The following TAF1 variants were observed in gnomAD, a reference collection of about 807,000 sequenced individuals.
The protein encoded by TAF1 is TATA-box binding protein associated factor 1.
Under a neutral mutation model 138.5 loss-of-function variants are expected in TAF1, and 2 were observed. The observed-to-expected ratio is 0.01, with a 90% CI of 0.01 to 0.05. The LOEUF is 0.05. TAF1 is among the 10% of genes least tolerant of loss of function. The pLI is 1.00. For missense variants in TAF1, 709 were observed against 1,478.0 expected (o/e 0.48, Z 8.53); for synonymous variants, 437 against 503.2 (o/e 0.87, Z 1.76).
At chrX:71,405,778 G>T (rs994402151) in intron 25 of TAF1, among the ~76,000 whole-genome samples, 2 of 111,697 alleles carry the variant, frequency 1.8e-5, no homozygotes, top group Non-Finnish European at 1.9e-5. Context: ...AGGCTGAGGT[G>T]GGAGGATCAC....
intron 6 of TAF1, 105 bp from the exon 7 acceptor site, chrX:71,378,130 A>C (rs2033615039): frequency 2.5e-6 from 2 of 809,587 alleles, no homozygotes; most frequent in African/African-American, 4.1e-5. Flanking sequence ...CAGGTAAATC[A>C]TCCTCAGTTT....
rs1375690532 is a variant in TAF1 at position 71,375,287 on chromosome X, G to A, written c.472+1G>A. 2 of 1,204,992 alleles carry A rather than the reference G, an allele frequency of 1.7e-6. No individual in the cohort carries two copies. Among genetic ancestry groups the A allele is most frequent in the South Asian group, 1.8e-5 (1 of 55,611 alleles). ...AAGGACCAGGATTCTATTACTGGTG[G>A]TAAGTAGAGATTGTCTACTTTTGTC... On this transcript the variant is annotated splice_donor_variant, in intron 4 of 37. Transcript: ENST00000423759. LOFTEE classifies it high-confidence loss of function.
intron 28 of TAF1, among the ~76,000 whole-genome samples, chrX:71,413,358 C>CT (rs1419036761): frequency 1.8e-5 from 2 of 111,841 alleles, no homozygotes; most frequent in Admixed American, 9.5e-5. Flanking sequence ...TTGTTATTGT[C>CT]TATCTTTTTC....
In TAF1 at chrX:71,375,213, C is replaced by T. The variant is rs1234145837; in HGVS notation, c.399C>T (p.Cys133=). The change falls in exon 4 of 38, where the codon TGC becomes TGT. Residue 133 remains cysteine, a synonymous_variant. Transcript: ENST00000423759. ...DYDADCEDID[C]KLMPPPPPPP... ...ATGCTGATTGTGAAGACATTGATTG[C>T]AAGTTGATGCCTCCTCCACCTCCAC... is the stretch of plus-strand genomic sequence containing the variant. The T allele has an allele frequency of 1.7e-6, 2 of 1,210,553 alleles. No homozygotes were observed. Among genetic ancestry groups the T allele is most frequent in the Admixed American group, 2.2e-5 (1 of 45,829 alleles).
chrX:71,490,943 C>T (rs1241159262), intron 13 of TAF1: 4 of 109,630 alleles, frequency 3.6e-5, no homozygotes, highest in Non-Finnish European at 7.6e-5. Context: ...TCTCGATCCC[C>T]TGAACTCAAG....
At chrX:71,405,483 TGG>T (rs1265325169) in intron 25 of TAF1, among the ~76,000 whole-genome samples, 1 of 111,524 alleles carries the variant, frequency 9.0e-6, no homozygotes, top group Non-Finnish European at 1.9e-5. Context: ...CCCAAGTAGC[TGG>T]TACTACAGGC....
At chrX:71,447,640 T>C (rs756831384) in intron 32 of TAF1, among the ~76,000 whole-genome samples, 1 of 105,852 alleles carries the variant, frequency 9.4e-6, no homozygotes, top group African/African-American at 3.5e-5. Context: ...GGGGTTGCAA[T>C]GAGCAGAGAT....
intron 28 of TAF1, among the ~76,000 whole-genome samples, chrX:71,420,793 C>T (rs2036296024): frequency 8.9e-6 from 1 of 112,874 alleles, no homozygotes; most frequent in African/African-American, 3.2e-5. Flanking sequence ...CCTCTTCAGG[C>T]TTGGGCTCCG....
intron 32 of TAF1, 120 bp from the exon 33 acceptor site, chrX:71,454,050 A>G (rs1475106081): frequency 1.7e-6 from 1 of 574,867 alleles, no homozygotes; most frequent in Non-Finnish European, 2.8e-6. Flanking sequence ...CAAGAGTCCA[A>G]GTTAAAGCTG....
In TAF1 at chrX:71,394,260, T is replaced by C. The variant is rs1451755129; in HGVS notation, c.3406+15T>C. The C allele has an allele frequency of 1.7e-6, 2 of 1,175,546 alleles. No individual in the cohort carries two copies. Among genetic ancestry groups the C allele is most frequent in the South Asian group, 2.0e-5 (1 of 49,744 alleles). On this transcript the variant is annotated intron_variant, in intron 22 of 37. Coordinates refer to ENST00000423759, the MANE Select transcript of TAF1 (RefSeq NM_004606.5). ...AATGCTACTGGGTGAGGATCTTGGC[T>C]TCACAGACAGATAAAAAAGAGAAGG...
At chrX:71,407,214 A>ATTT (rs1192482805) in intron 26 of TAF1, among the ~76,000 whole-genome samples, 10 of 80,925 alleles carry the variant, frequency 1.2e-4, no homozygotes, top group Admixed American at 2.9e-4. Context: ...TGCTCGGCAG[A>ATTT]TTTTTTTTTT....
chrX:71,389,753 A>C (rs1379489800), intron 18 of TAF1, 88 bp downstream of exon 18: 1 of 732,566 alleles, frequency 1.4e-6, no homozygotes, highest in Non-Finnish European at 2.0e-6. Context: ...AACATAAAAT[A>C]AACTGTACAC....
intron 28 of TAF1, among the ~76,000 whole-genome samples, chrX:71,418,523 ATAAG>A (rs1427498052): frequency 1.8e-5 from 2 of 112,865 alleles, no homozygotes; most frequent in Non-Finnish European, 3.7e-5. Context: ...GAATTAAATA[ATAAG>A]TGAGAATAGA....
chrX:71,516,578 G>A (rs1301579412), intron 13 of TAF1, among the ~76,000 whole-genome samples: 1 of 107,384 alleles, frequency 9.3e-6, no homozygotes, highest in African/African-American at 3.4e-5. Flanking sequence ...AGAGTTCAAG[G>A]CTACAGTGAG....
Position 71,460,985 on chromosome X carries a change from A to C in TAF1, c.5399+182A>C, listed in dbSNP as rs1347870330. On this transcript the variant is annotated intron_variant, in intron 37 of 37. Transcript: ENST00000423759. ...AACATATCCTGCCCTTGAGGAGCCC[A>C]CAGCCTAGTGGAAAAGACTGACACA... 5.6e-6 allele frequency: 3 copies of C among 531,438 alleles called. No individual in the cohort carries two copies. The African/African-American group carries it at 7.0e-5, about 12-fold the overall frequency. The allele number at this position is 531,438 out of a possible 1,213,427, so 43.8% of individuals were successfully genotyped here.
intron 29 of TAF1, 43 bp downstream of exon 29, chrX:71,421,419 T>TG: frequency 5.5e-6 from 2 of 364,304 alleles, no homozygotes; most frequent in Non-Finnish European, 4.8e-6. Context: ...AATTTGAAGG[T>TG]GGGGGTGGGA....
intron 12 of TAF1, among the ~76,000 whole-genome samples, chrX:71,383,532 G>A (rs1602488245): frequency 8.9e-6 from 1 of 112,448 alleles, no homozygotes; most frequent in Non-Finnish European, 1.9e-5. Flanking sequence ...ATCTTTAGAT[G>A]TTCCAGTTTC....
intron 13 of TAF1, among the ~76,000 whole-genome samples, chrX:71,475,592 A>G (rs2038965969): frequency 9.2e-6 from 1 of 108,746 alleles, no homozygotes; most frequent in Non-Finnish European, 1.9e-5. Context: ...TTCAAAAAAA[A>G]AAAAAAAAGA....
intron 32 of TAF1, 127 bp downstream of exon 32, chrX:71,424,365 T>C: frequency 2.3e-6 from 1 of 429,270 alleles, no homozygotes; most frequent in Middle Eastern, 5.7e-4. Context: ...CTGGATGCTG[T>C]GGTGTGATCA....
Sources: gnomAD v4.1 joint callset for allele counts (sites outside exome capture counted in the v4.1 genomes callset) on GRCh38, gnomAD v4.1.1 for gene constraint, MANE v1.5 for transcripts, NCBI Gene and HGNC (gene_info 2026-07-23, HGNC 2026-07-21) for gene names.